Variants in C8orf89 observed in about 807,000 individuals in gnomAD.
C8orf89 encodes putative uncharacterized protein C8orf89.
C8orf89 carries 14 observed loss-of-function variants against 15.8 expected under a neutral mutation model. The ratio of observed to expected loss-of-function variants is 0.89; its 90% confidence interval spans 0.59 to 1.39. C8orf89 has a LOEUF of 1.39. C8orf89 is among the 40% of genes most tolerant of loss of function. The pLI is 0.00. For missense variants in C8orf89, 181 were observed against 184.5 expected (o/e 0.98, Z 0.11); for synonymous variants, 55 against 62.2 (o/e 0.88, Z 0.54).
the C8orf89 span, among the ~76,000 whole-genome samples, chr8:73,267,382 C>T: frequency 3.9e-5 from 6 of 152,106 alleles, no homozygotes; most frequent in African/African-American, 1.4e-4. Context: ...ATAACTGAAA[C>T]CAGAAACTGA....
chr8:73,259,261 G>GA lies in C8orf89; in HGVS notation c.127+70dup. 3.8e-6 allele frequency: 4 copies of GA among 1,055,180 alleles called. No homozygotes were observed. The South Asian group carries it at 6.6e-5, about 17-fold the overall frequency. The allele number at this position is 1,055,180 out of a possible 1,614,324, so 65.4% of individuals were successfully genotyped here. On this transcript the variant is annotated intron_variant, in intron 1 of 3. Transcript: ENST00000624510. ...TCACAGAAAATGTCCCTTGCCTGAT[G>GA]AAAAAAATACATGGAAATTCAAGGC...
the C8orf89 span, among the ~76,000 whole-genome samples, chr8:73,271,921 C>G: frequency 1.1e-3 from 170 of 152,274 alleles, no homozygotes; most frequent in Middle Eastern, 6.8e-3. Context: ...CAGAGCCAAA[C>G]CATATAACCT....
the C8orf89 span, among the ~76,000 whole-genome samples, chr8:73,270,317 G>T: frequency 6.6e-6 from 1 of 152,116 alleles, no homozygotes. Flanking sequence ...TCAAAGTCAG[G>T]TCTACGTATC....
At chr8:73,277,501 A>G in the C8orf89 span, 1 of 806,380 alleles carries the variant, frequency 1.2e-6, no homozygotes, top group East Asian at 2.4e-5. Flanking sequence ...CACCACGAAA[A>G]CTTCCCTGAG....
intron 2 of C8orf89, among the ~76,000 whole-genome samples, chr8:73,254,115 C>G (rs1238480413): frequency 6.6e-6 from 1 of 152,090 alleles, no homozygotes; most frequent in Non-Finnish European, 1.5e-5. Context: ...CCATCAATAC[C>G]TAATTTATTG....
upstream of C8orf89, among the ~76,000 whole-genome samples, chr8:73,260,420 A>T (rs912921301): frequency 6.6e-6 from 1 of 152,160 alleles, no homozygotes; most frequent in East Asian, 1.9e-4. Context: ...TAGCATTAGG[A>T]GATATACCTA....
At chr8:73,272,691 G>C in the C8orf89 span, among the ~76,000 whole-genome samples, 1 of 151,918 alleles carries the variant, frequency 6.6e-6, no homozygotes, top group Non-Finnish European at 1.5e-5. Flanking sequence ...ACCTATGAGT[G>C]AGAACATGCA....
chr8:73,256,968 T>A lies in C8orf89; in HGVS notation c.281+5A>T. 6.5e-7 allele frequency: 1 copy of A among 1,530,250 alleles called. No individual in the cohort carries two copies. Among genetic ancestry groups the A allele is most frequent in the Non-Finnish European group, 8.7e-7 (1 of 1,144,270 alleles). 94.8% of individuals were successfully genotyped at this position (1,530,250 alleles called of 1,614,324 possible). ...ACAAATGAGAATTAAATAGCAATGA[T>A]CTACCTGACTGCAGACACCTCGGCA... On this transcript the variant is annotated splice_donor_5th_base_variant and intron_variant, in intron 2 of 3. Coordinates refer to ENST00000624510, the MANE Select transcript of C8orf89 (RefSeq NM_001243237.3).
the C8orf89 span, among the ~76,000 whole-genome samples, chr8:73,285,421 T>G: frequency 6.6e-6 from 1 of 152,212 alleles, no homozygotes; most frequent in Non-Finnish European, 1.5e-5. Context: ...GCTCCCATCA[T>G]AAAGTGCATC....
At chr8:73,278,652 A>T in the C8orf89 span, among the ~76,000 whole-genome samples, 1 of 152,238 alleles carries the variant, frequency 6.6e-6, no homozygotes, top group Non-Finnish European at 1.5e-5. Flanking sequence ...CATAGTCTAC[A>T]TGTTTTGATT....
At chr8:73,252,053 T>G (rs1228337337) in intron 2 of C8orf89, among the ~76,000 whole-genome samples, 1 of 152,228 alleles carries the variant, frequency 6.6e-6, no homozygotes, top group African/African-American at 2.4e-5. Context: ...AGTTACCATC[T>G]GGTAGCAACT....
the C8orf89 span, among the ~76,000 whole-genome samples, chr8:73,279,173 T>C: frequency 6.6e-6 from 1 of 152,230 alleles, no homozygotes; most frequent in Non-Finnish European, 1.5e-5. Context: ...TTGCAGCATC[T>C]GCCAAGTCTG....
At chr8:73,264,311 GCACATGT>G (rs1261747364), upstream of C8orf89, among the ~76,000 whole-genome samples, 1 of 152,176 alleles carries the variant, frequency 6.6e-6, no homozygotes, top group Non-Finnish European at 1.5e-5. Flanking sequence ...TTGCTGCTCT[GCACATGT>G]CCACAGGAGA....
upstream of C8orf89, among the ~76,000 whole-genome samples, chr8:73,263,687 A>T (rs1366408070): frequency 6.6e-6 from 1 of 152,208 alleles, no homozygotes; most frequent in Admixed American, 6.5e-5. Flanking sequence ...AGCATGGAAG[A>T]TGTAATACTG....
the C8orf89 span, among the ~76,000 whole-genome samples, chr8:73,280,728 T>C: frequency 6.6e-6 from 1 of 150,764 alleles, no homozygotes; most frequent in Non-Finnish European, 1.5e-5. Context: ...CACATATATA[T>C]ACACATATAT....
chr8:73,279,378 G>A, the C8orf89 span, among the ~76,000 whole-genome samples: 1 of 152,084 alleles, frequency 6.6e-6, no homozygotes, highest in African/African-American at 2.4e-5. Context: ...CTTGGACTAC[G>A]GTCCTGACCA....
In C8orf89 at chr8:73,241,588, G is replaced by T; in HGVS notation, c.355C>A (p.Pro119Thr). The T allele has an allele frequency of 6.6e-7, 1 of 1,519,240 alleles. No individual in the cohort carries two copies. The highest frequency in any genetic ancestry group is 8.8e-7 in the Non-Finnish European group (1 of 1,137,596). 94.1% of individuals were successfully genotyped at this position (1,519,240 alleles called of 1,614,324 possible). Residue 119 changes from proline (P) to threonine (T), a missense_variant, in exon 4 of 4, where the codon CCT becomes ACT. By Grantham distance (38) the Pro-to-Thr change is conservative (BLOSUM62 -1). Coordinates refer to ENST00000624510, the MANE Select transcript of C8orf89 (RefSeq NM_001243237.3). Reference sequence around the variant, plus strand: ...TATTGAGATGGTGCTCCAGTGAGAGGATCACTGAAGCCAGAACCTGGAGGA... The same window carrying T: ...TATTGAGATGGTGCTCCAGTGAGAGTATCACTGAAGCCAGAACCTGGAGGA... ...EKSKGSGFSD[P>T]LTGAPSQYLE...
the C8orf89 span, chr8:73,277,705 T>C: frequency 2.7e-6 from 2 of 751,208 alleles, no homozygotes; most frequent in Non-Finnish European, 5.0e-6. Context: ...GATGTGCTCC[T>C]TTACCACTGC....
At chr8:73,268,436 G>T in the C8orf89 span, among the ~76,000 whole-genome samples, 1 of 151,690 alleles carries the variant, frequency 6.6e-6, no homozygotes, top group Non-Finnish European at 1.5e-5. Flanking sequence ...CCGAGATCGC[G>T]CCACTGCACT....
Sources: gnomAD v4.1 joint callset for allele counts (sites outside exome capture counted in the v4.1 genomes callset) on GRCh38, gnomAD v4.1.1 for gene constraint, MANE v1.5 for transcripts, NCBI Gene and HGNC (gene_info 2026-07-23, HGNC 2026-07-21) for gene names.